The following RCOR1 variants were observed in gnomAD, a reference collection of about 807,000 sequenced individuals.
The protein encoded by RCOR1 is REST corepressor.
A neutral mutation model predicts 64.0 loss-of-function variants in RCOR1; 12 were observed. The ratio of observed to expected loss-of-function variants is 0.19; its 90% CI spans 0.12 to 0.30. RCOR1 has a LOEUF of 0.30. Among genes scored for constraint, RCOR1 ranks in the 10% least tolerant of loss-of-function variants. The pLI, the probability that RCOR1 is intolerant of heterozygous loss-of-function variation, is 1.00. For synonymous variants in RCOR1, 279 were observed against 227.2 expected (o/e 1.23, Z -2.05); for missense variants, 502 against 621.2 (o/e 0.81, Z 2.04).
chr14:102,721,914 A>G (rs747152827), intron 10 of RCOR1, among the ~76,000 whole-genome samples: 57 of 152,212 alleles, frequency 3.7e-4, no homozygotes, highest in Non-Finnish European at 3.8e-4. Context: ...AGATGAATGC[A>G]GAATGTCCCC....
chr14:102,721,673 T>C, intron 10 of RCOR1: 1 of 265,834 alleles, frequency 3.8e-6, no homozygotes, highest in East Asian at 7.0e-5. Flanking sequence ...TATGTCCTAG[T>C]GGATATCATT....
intron 2 of RCOR1, among the ~76,000 whole-genome samples, chr14:102,603,839 T>C (rs1893451116): frequency 6.6e-6 from 1 of 152,022 alleles, no homozygotes; most frequent in Non-Finnish European, 1.5e-5. Flanking sequence ...CTAGGCTGTT[T>C]TGCTGTTTTT....
intron 2 of RCOR1, among the ~76,000 whole-genome samples, chr14:102,660,123 A>G (rs1163161822): frequency 1.3e-5 from 2 of 152,164 alleles, no homozygotes; most frequent in Non-Finnish European, 2.9e-5. Context: ...TAATTTTTCC[A>G]GTGTATTTAA....
intron 3 of RCOR1, among the ~76,000 whole-genome samples, chr14:102,700,955 C>G (rs576761243): frequency 3.9e-4 from 59 of 152,194 alleles, no homozygotes; most frequent in Non-Finnish European, 7.1e-4. Context: ...GAGCGAGGAG[C>G]AAGTCATATT....
chr14:102,625,746 G>A (rs1386117179), intron 2 of RCOR1, among the ~76,000 whole-genome samples: 3 of 152,108 alleles, frequency 2.0e-5, no homozygotes, highest in Non-Finnish European at 4.4e-5. Context: ...GGAGGGGTCT[G>A]AATGACTTGG....
At chr14:102,671,861 C>G (rs4633650) in intron 2 of RCOR1, among the ~76,000 whole-genome samples, 14,469 of 152,186 alleles carry the variant, frequency 0.095, 745 homozygotes, top group Middle Eastern at 0.17. Context: ...TTCAAATGCC[C>G]TACAGCCTCT....
At position 102,640,175 on chromosome 14, in the gene RCOR1, C is replaced by T. The variant is rs115502406; in HGVS notation, c.362-41720C>T. ...TATATGTATTTTTTATTTGAGTTTG[C>T]GTTTTGCCGTGTTGCCCAGGCTGGT... On this transcript the variant is annotated intron_variant, in intron 2 of 11. Transcript: ENST00000262241. Among the ~76,000 whole-genome samples, 1,423 of 151,758 alleles carry T rather than the reference C, an allele frequency of 9.4e-3. 24 individuals carry two copies. Among genetic ancestry groups the T allele is most frequent in the African/African-American group, 0.032 (1,345 of 41,434 alleles).
At chr14:102,637,612 A>G (rs1271167371) in intron 2 of RCOR1, among the ~76,000 whole-genome samples, 1 of 151,672 alleles carries the variant, frequency 6.6e-6, no homozygotes, top group Non-Finnish European at 1.5e-5. Flanking sequence ...GTGCTTGGCT[A>G]ATGTTTAGTA....
intron 2 of RCOR1, among the ~76,000 whole-genome samples, chr14:102,599,094 A>G (rs2139877468): frequency 6.6e-6 from 1 of 152,156 alleles, no homozygotes; most frequent in African/African-American, 2.4e-5. Flanking sequence ...TAAGCAAAGC[A>G]TCACTTATTT....
At chr14:102,673,675 G>T (rs1199240751) in intron 2 of RCOR1, among the ~76,000 whole-genome samples, 2 of 151,512 alleles carry the variant, frequency 1.3e-5, no homozygotes, top group Admixed American at 6.6e-5. Context: ...GAGTGCAATG[G>T]CACGATCTCG....
intron 2 of RCOR1, among the ~76,000 whole-genome samples, chr14:102,597,744 C>T (rs1893291684): frequency 1.3e-5 from 2 of 148,906 alleles, no homozygotes; most frequent in Middle Eastern, 3.6e-3. Flanking sequence ...AGCAGTTCTC[C>T]TGCCTCAGCC....
intron 2 of RCOR1, among the ~76,000 whole-genome samples, chr14:102,650,195 C>G (rs12050120): frequency 7.7e-6 from 1 of 129,302 alleles, no homozygotes; most frequent in Admixed American, 7.8e-5. Flanking sequence ...GAGACTCCAC[C>G]GCAAAAAAAA....
chr14:102,631,206 CTTT>C (rs760075418), intron 2 of RCOR1, among the ~76,000 whole-genome samples: 2 of 142,098 alleles, frequency 1.4e-5, no homozygotes, highest in Non-Finnish European at 3.1e-5. Flanking sequence ...TAGTCCAGAC[CTTT>C]TTTTTTTTTT....
Position 102,686,746 on chromosome 14 carries a change from A to G in RCOR1, c.445+4768A>G, listed in dbSNP as rs1895428836. On this transcript the variant is annotated intron_variant, in intron 3 of 11. Coordinates refer to ENST00000262241, the MANE Select transcript of RCOR1 (RefSeq NM_015156.4). ...ATTTAAGGTTCCACTGTCTCTTTTCATGGCTGGATAGTTCATTTCTTTTTA... is the reference window on the plus strand; with the variant it reads ...ATTTAAGGTTCCACTGTCTCTTTTCGTGGCTGGATAGTTCATTTCTTTTTA... Among the ~76,000 whole-genome samples the G allele has an allele frequency of 2.0e-5, 3 of 152,194 alleles. No individual in the cohort carries two copies. In the South Asian group the frequency reaches 6.2e-4, roughly 32 times the overall value.
At chr14:102,653,364 A>C (rs367778846) in intron 2 of RCOR1, among the ~76,000 whole-genome samples, 1 of 151,776 alleles carries the variant, frequency 6.6e-6, no homozygotes, top group African/African-American at 2.4e-5. Context: ...GACCACAGGC[A>C]CTCGCTACCG....
intron 2 of RCOR1, among the ~76,000 whole-genome samples, chr14:102,602,595 A>T (rs921363408): frequency 6.6e-6 from 1 of 151,938 alleles, no homozygotes; most frequent in Non-Finnish European, 1.5e-5. Context: ...TTTAGTAGAG[A>T]AGGGGTTTCA....
chr14:102,635,007 C>A (rs35189188), intron 2 of RCOR1, among the ~76,000 whole-genome samples: 1 of 151,632 alleles, frequency 6.6e-6, no homozygotes, highest in South Asian at 2.1e-4. Context: ...CATGCCTGGC[C>A]TTTTTTTAAA....
chr14:102,718,197 C>T (rs1039780028), intron 8 of RCOR1, among the ~76,000 whole-genome samples: 1 of 152,128 alleles, frequency 6.6e-6, no homozygotes, highest in Non-Finnish European at 1.5e-5. Context: ...CAGCTGTTGG[C>T]TTTTCATCTT....
At chr14:102,682,055 T>A (rs1895315851) in intron 3 of RCOR1, 77 bp downstream of exon 3, 1 of 798,624 alleles carries the variant, frequency 1.3e-6, no homozygotes, top group African/African-American at 1.7e-5. Flanking sequence ...AGGTAAAAGC[T>A]TCTATATGTA....
Sources: allele counts gnomAD v4.1 joint callset (sites outside exome capture counted in the v4.1 genomes callset), GRCh38; gene constraint gnomAD v4.1.1; transcripts MANE v1.5; gene names NCBI Gene and HGNC (gene_info 2026-07-23, HGNC 2026-07-21).